The following SOWAHB variants were observed in gnomAD, a reference collection of about 807,000 sequenced individuals.
SOWAHB encodes the protein ankyrin repeat domain-containing protein SOWAHB.
In SOWAHB, 17 loss-of-function variants were observed where a neutral mutation model predicts 18.3. That is an observed-to-expected ratio of 0.93 (90% CI 0.64 to 1.40). The LOEUF (loss-of-function observed/expected upper bound fraction) is 1.40, where lower values mean the gene tolerates loss of function less well. Among genes scored for constraint, SOWAHB ranks in the 40% most tolerant of loss-of-function variants. The pLI is 0.00. For synonymous variants in SOWAHB, 496 were observed against 448.1 expected (o/e 1.11, Z -1.35); for missense variants, 1,126 against 1,033.7 (o/e 1.09, Z -1.22).
Position 76,896,679 on chromosome 4 carries a change from G to A in SOWAHB, c.1171C>T (p.Leu391Phe), listed in dbSNP as rs756527231. 6.2e-7 allele frequency: 1 copy of A among 1,613,974 alleles called. No individual in the cohort carries two copies. Among genetic ancestry groups the A allele is most frequent in the Non-Finnish European group, 8.5e-7 (1 of 1,180,042 alleles). ...TCCACAAAGTCATCCAGATCTTGGA[G>A]GGACAGCTGACAACGAATGCTGCGA... ...VFRSIRCQLSLQDLDDFVDQE... is the reference protein window; with the variant it reads ...VFRSIRCQLSFQDLDDFVDQE... Residue 391 changes from leucine to phenylalanine, a missense_variant, in exon 1 of 1, where the codon CTC becomes TTC. Physicochemically the swap from Leu to Phe is conservative, Grantham distance 22. Transcript: ENST00000334306.
At position 76,897,111 on chromosome 4, in the gene SOWAHB, C is replaced by T; in HGVS notation, c.739G>A (p.Ala247Thr). 1 of 1,538,218 alleles carries T rather than the reference C, an allele frequency of 6.5e-7. No individual in the cohort carries two copies. The highest frequency in any genetic ancestry group is 8.7e-7 in the Non-Finnish European group (1 of 1,148,032). ...ACTGCAGGCACAGGCGCCGGCTCAG[C>T]TAGCGCGCCTTCTTCCCGCTCCCTG... ...ASREREEGALAEPAPVPAVAH... is the reference protein window; with the variant it reads ...ASREREEGALTEPAPVPAVAH... The change falls in exon 1 of 1, where the codon GCT (alanine) becomes ACT (threonine). Residue 247 changes from alanine (A) to threonine (T), a missense_variant. Ala to Thr is a moderately conservative substitution (Grantham distance 58). Coordinates refer to ENST00000334306, the MANE Select transcript of SOWAHB (RefSeq NM_001029870.3). This position sits in a 1 kb window ranked among gnomAD's most constrained non-coding sequence, Gnocchi z 6.4.
Position 76,894,740 on chromosome 4 carries a change from G to A in SOWAHB, c.*728C>T, listed in dbSNP as rs190944867. On this transcript the variant is annotated 3_prime_UTR_variant, in exon 1 of 1. Transcript: ENST00000334306. ...CCTTCGGGTTGATACAAAAAAGCAG[G>A]GCCTGAATGACAGTCATTCCTCTTA... 6.6e-6 allele frequency among the ~76,000 whole-genome samples: 1 copy of A among 152,222 alleles called. No individual in the cohort carries two copies. Among genetic ancestry groups the A allele is most frequent in the African/African-American group, 2.4e-5 (1 of 41,512 alleles).
chr4:76,897,553 T>G lies in SOWAHB; in HGVS notation c.297A>C (p.Ala99=). 1 of 1,564,302 alleles carries G rather than the reference T, an allele frequency of 6.4e-7. No individual in the cohort carries two copies. ...GCGGGGAGCAGGGCGCAGCTCCCCCTGCACTGGGGGCGGCCGCGGGCGGCT... is the reference window on the plus strand; with the variant it reads ...GCGGGGAGCAGGGCGCAGCTCCCCCGGCACTGGGGGCGGCCGCGGGCGGCT... The part of the protein sequence containing the change: ...PREPPAAAPS[A]GGAAPCSPRG... The change falls in exon 1 of 1, where the codon GCA becomes GCC. Residue 99 remains alanine, a synonymous_variant. Transcript: ENST00000334306. The surrounding 1 kb of genome is among the most constrained non-coding windows in gnomAD (Gnocchi z 6.4).
Position 76,896,786 on chromosome 4 carries a change from C to CAGGG in SOWAHB, c.1060_1063dup (p.Cys355SerfsTer15). 1 of 1,613,922 alleles carries CAGGG rather than the reference C, an allele frequency of 6.2e-7. No homozygotes were observed. The highest frequency in any genetic ancestry group is 8.5e-7 in the Non-Finnish European group (1 of 1,180,044). On this transcript the variant is annotated frameshift_variant, in exon 1 of 1. Coordinates refer to ENST00000334306, the MANE Select transcript of SOWAHB (RefSeq NM_001029870.3). LOFTEE classifies it low-confidence loss of function (END_TRUNC). ...AGGAAAGAGAGAGTGCGAGGAAAGA[C>CAGGG]AGGGGTCTGGCGGCTCTGAATTAGG... is the stretch of plus-strand genomic sequence containing the variant.
Position 76,895,267 on chromosome 4 carries a change from C to A in SOWAHB, c.*201G>T. The A allele has an allele frequency of 1.9e-6, 1 of 532,862 alleles. No homozygotes were observed. The allele number at this position is 532,862 out of a possible 1,614,324, so 33.0% of individuals were successfully genotyped here. On this transcript the variant is annotated 3_prime_UTR_variant, in exon 1 of 1. Transcript: ENST00000334306. Reference sequence around the variant, plus strand: ...GCCCCGCCTCTTGTCTAGGTTTCTCCAGTCAAGGAGTTCAGCTTTCAAAAA... The same window carrying A: ...GCCCCGCCTCTTGTCTAGGTTTCTCAAGTCAAGGAGTTCAGCTTTCAAAAA...
At position 76,895,028 on chromosome 4, in the gene SOWAHB, T is replaced by G. The variant is rs1403034942; in HGVS notation, c.*440A>C. The stretch of plus-strand genomic sequence containing the variant: ...GCTTCCCACTGTCAGCCAAGATTTA[T>G]TCTTCAAATGAACAGAAGCCAGAGA... On this transcript the variant is annotated 3_prime_UTR_variant, in exon 1 of 1. Transcript: ENST00000334306. 6.5e-6 allele frequency: 1 copy of G among 154,734 alleles called. No individual in the cohort carries two copies. The highest frequency in any genetic ancestry group is 2.4e-5 in the African/African-American group (1 of 41,572). The allele number at this position is 154,734 out of a possible 1,614,324, so 9.6% of individuals were successfully genotyped here.
In SOWAHB at chr4:76,897,196, C is replaced by G. The variant is rs775588683; in HGVS notation, c.654G>C (p.Ser218=). ...LPGELGALPH[S]ATAEEKPARA... Reference sequence around the variant, plus strand: ...GTGCCGGCTTCTCCTCCGCGGTGGCCGAGTGCGGGAGTGCGCCGAGCTCTC... The same window carrying G: ...GTGCCGGCTTCTCCTCCGCGGTGGCGGAGTGCGGGAGTGCGCCGAGCTCTC... Residue 218 remains serine (S), a synonymous_variant, in exon 1 of 1, where the codon TCG becomes TCC. Coordinates refer to ENST00000334306, the MANE Select transcript of SOWAHB (RefSeq NM_001029870.3). This position sits in a 1 kb window ranked among gnomAD's most constrained non-coding sequence, Gnocchi z 6.4. 4 of 1,580,304 alleles carry G rather than the reference C, an allele frequency of 2.5e-6. No individual in the cohort carries two copies. The highest frequency in any genetic ancestry group is 3.4e-6 in the Non-Finnish European group (4 of 1,171,682).
At position 76,896,748 on chromosome 4, in the gene SOWAHB, C is replaced by G; in HGVS notation, c.1102G>C (p.Glu368Gln). The G allele has an allele frequency of 1.2e-6, 2 of 1,613,884 alleles. No homozygotes were observed. Among genetic ancestry groups the G allele is most frequent in the Non-Finnish European group, 1.7e-6 (2 of 1,180,020 alleles). ...SHSLFPVVPD[E>Q]SWESWAGNPS... ...TTCCCCGCCCAGGATTCCCAGGACT[C>G]ATCCGGAACAACAGGAAAGAGAGAG... Residue 368 changes from glutamate to glutamine, a missense_variant, in exon 1 of 1, where the codon GAG becomes CAG. Coordinates refer to ENST00000334306, the MANE Select transcript of SOWAHB (RefSeq NM_001029870.3).
rs1212100145 is a variant in SOWAHB, at chr4:76,894,867, C to A, written c.*601G>T. The A allele has an allele frequency of 1.3e-5, 2 of 152,208 alleles. No homozygotes were observed. The highest frequency in any genetic ancestry group is 4.8e-5 in the African/African-American group (2 of 41,458). 9.4% of individuals were successfully genotyped at this position (152,208 alleles called of 1,614,324 possible). On this transcript the variant is annotated 3_prime_UTR_variant, in exon 1 of 1. Transcript: ENST00000334306. Reference sequence around the variant, plus strand: ...ATCATTTTACCCATTAACCACCATGCATGGAATTCAAAAGAAGACTTGAGA... The same window carrying A: ...ATCATTTTACCCATTAACCACCATGAATGGAATTCAAAAGAAGACTTGAGA...
At position 76,896,548 on chromosome 4, in the gene SOWAHB, C is replaced by CT. The variant is rs1560661856; in HGVS notation, c.1301dup (p.Leu435AlafsTer41). 8.1e-6 allele frequency: 13 copies of CT among 1,613,350 alleles called. No homozygotes were observed. The highest frequency in any genetic ancestry group is 1.1e-5 in the Non-Finnish European group (13 of 1,179,944). ...AAAGGCCCCCAGCTGGATTCCTGAG[C>CT]TTCCCCCTATCTGGGGTTCCCAAGA... On this transcript the variant is annotated frameshift_variant, in exon 1 of 1. Coordinates refer to ENST00000334306, the MANE Select transcript of SOWAHB (RefSeq NM_001029870.3). LOFTEE classifies it low-confidence loss of function (END_TRUNC).
chr4:76,897,220 T>C lies in SOWAHB; in HGVS notation c.630A>G (p.Gly210=). The change falls in exon 1 of 1, where the codon GGA becomes GGG. Residue 210 remains glycine (G), a synonymous_variant. Coordinates refer to ENST00000334306, the MANE Select transcript of SOWAHB (RefSeq NM_001029870.3). This position sits in a 1 kb window ranked among gnomAD's most constrained non-coding sequence, Gnocchi z 6.4. Reference sequence around the variant, plus strand: ...CCGAGTGCGGGAGTGCGCCGAGCTCTCCCGGCAGTACAGCCAGGTTGTTCT... The same window carrying C: ...CCGAGTGCGGGAGTGCGCCGAGCTCCCCCGGCAGTACAGCCAGGTTGTTCT... ...CLQNNLAVLP[G]ELGALPHSAT... 6.3e-7 allele frequency: 1 copy of C among 1,582,600 alleles called. No individual in the cohort carries two copies.
Position 76,897,385 on chromosome 4 carries a change from C to T in SOWAHB, c.465G>A (p.Arg155=), listed in dbSNP as rs1178955333. 1 of 1,527,616 alleles carries T rather than the reference C, an allele frequency of 6.5e-7. No homozygotes were observed. Among genetic ancestry groups the T allele is most frequent in the Non-Finnish European group, 8.7e-7 (1 of 1,144,050 alleles). The allele number at this position is 1,527,616 out of a possible 1,614,324, so 94.6% of individuals were successfully genotyped here. The change falls in exon 1 of 1, where the codon AGG becomes AGA. Residue 155 remains arginine, a synonymous_variant. Coordinates refer to ENST00000334306, the MANE Select transcript of SOWAHB (RefSeq NM_001029870.3). The surrounding 1 kb of genome is among the most constrained non-coding windows in gnomAD (Gnocchi z 6.4). ...TCGATCCGCCGCCCTTCCCGGGCGC[C>T]CTACGGGAGTCGCTGCCCGGGAGTC... ...CNGLPGSDSR[R]APGKGGGSKG...
rs747684887 is a variant in SOWAHB, at chr4:76,896,598, C to T, written c.1252G>A (p.Ala418Thr). 28 of 1,613,756 alleles carry T rather than the reference C, an allele frequency of 1.7e-5. No homozygotes were observed. Among genetic ancestry groups the T allele is most frequent in the Non-Finnish European group, 2.3e-5 (27 of 1,180,044 alleles). Reference sequence around the variant, plus strand: ...ACAACCTGCAGCCCCTCTTCAGAAGCCCCCGGGGAGTCTTTGGGCCCACTG... The same window carrying T: ...ACAACCTGCAGCCCCTCTTCAGAAGTCCCCGGGGAGTCTTTGGGCCCACTG... Reference protein sequence around the residue: ...SSSGPKDSPGASEEGLQVVLG... With the variant: ...SSSGPKDSPGTSEEGLQVVLG... Residue 418 changes from alanine to threonine, a missense_variant, in exon 1 of 1, where the codon GCT becomes ACT. By Grantham distance (58) the Ala-to-Thr change is moderately conservative (BLOSUM62 0). Transcript: ENST00000334306.
chr4:76,897,951 G>A lies in SOWAHB; in HGVS notation c.-102C>T. The A allele has an allele frequency of 2.4e-6, 3 of 1,274,094 alleles. No individual in the cohort carries two copies. The highest frequency in any genetic ancestry group is 1.5e-5 in the African/African-American group (1 of 66,414). The allele number at this position is 1,274,094 out of a possible 1,614,324, so 78.9% of individuals were successfully genotyped here. A position where few individuals can be genotyped will look rare whatever the true frequency, so the allele number is the denominator to read the frequency against. ...CCGGGCGAGTGTCACCTGCGCCCGG[G>A]GCGGCACTAGCCGCCCCCATCAGCC... On this transcript the variant is annotated 5_prime_UTR_variant, in exon 1 of 1. Transcript: ENST00000334306. The surrounding 1 kb of genome is among the most constrained non-coding windows in gnomAD (Gnocchi z 6.4).
Position 76,896,564 on chromosome 4 carries a change from G to A in SOWAHB, c.1286C>T (p.Thr429Ile). The A allele has an allele frequency of 6.2e-7, 1 of 1,613,516 alleles. No individual in the cohort carries two copies. The highest frequency in any genetic ancestry group is 8.5e-7 in the Non-Finnish European group (1 of 1,180,014). ...ATTCCTGAGCTTCCCCCTATCTGGGGTTCCCAAGACAACCTGCAGCCCCTC... is the reference window on the plus strand; with the variant it reads ...ATTCCTGAGCTTCCCCCTATCTGGGATTCCCAAGACAACCTGCAGCCCCTC... ...SEEGLQVVLG[T>I]PDRGKLRNPA... is the part of the protein sequence containing the mutation. The change falls in exon 1 of 1, where the codon ACC becomes ATC. Residue 429 changes from threonine (T) to isoleucine (I), a missense_variant. Thr to Ile is a moderately conservative substitution (Grantham distance 89). Coordinates refer to ENST00000334306, the MANE Select transcript of SOWAHB (RefSeq NM_001029870.3).
Position 76,896,115 on chromosome 4 carries a change from C to A in SOWAHB, c.1735G>T (p.Ala579Ser). ...TTGTGCTCAGAAGTTCTGTGGGGGG[C>A]CAAGGCTGCAGACCCCTCCCCACTG... is the stretch of plus-strand genomic sequence containing the variant. ...VPSGEGSAAL[A>S]PHRTSEHKSS... The change falls in exon 1 of 1, where the codon GCC becomes TCC. Residue 579 changes from alanine (A) to serine (S), a missense_variant. Ala to Ser is a moderately conservative substitution (Grantham distance 99). Coordinates refer to ENST00000334306, the MANE Select transcript of SOWAHB (RefSeq NM_001029870.3). 6.3e-7 allele frequency: 1 copy of A among 1,576,824 alleles called. No individual in the cohort carries two copies.
chr4:76,897,561 G>A lies in SOWAHB; in HGVS notation c.289C>T (p.Pro97Ser), dbSNP rs766546688. ...CAGGGCGCAGCTCCCCCTGCACTGG[G>A]GGCGGCCGCGGGCGGCTCGCGGGGT... Reference protein sequence around the residue: ...QRPREPPAAAPSAGGAAPCSP... With the variant: ...QRPREPPAAASSAGGAAPCSP... The change falls in exon 1 of 1, where the codon CCC (proline) becomes TCC (serine). Residue 97 changes from proline (P) to serine (S), a missense_variant. By Grantham distance (74) the Pro-to-Ser change is moderately conservative. Transcript: ENST00000334306. The surrounding 1 kb of genome is among the most constrained non-coding windows in gnomAD (Gnocchi z 6.4). 4 of 1,582,448 alleles carry A rather than the reference G, an allele frequency of 2.5e-6. No individual in the cohort carries two copies. In the Admixed American group the frequency reaches 5.2e-5, roughly 21 times the overall value.
Position 76,897,267 on chromosome 4 carries a change from G to T in SOWAHB, c.583C>A (p.Arg195Ser). ...TTCTGGAGGCATTCCCAGCAGCAGC[G>T]GCCCTGCGTCTTCGCCGCCGCGCAG... ...ASCAAAKTQG[R>S]CCWECLQNNL... The change falls in exon 1 of 1, where the codon CGC becomes AGC. Residue 195 changes from arginine to serine, a missense_variant. Physicochemically the swap from Arg to Ser is moderately radical, Grantham distance 110. Coordinates refer to ENST00000334306, the MANE Select transcript of SOWAHB (RefSeq NM_001029870.3). The surrounding 1 kb of genome is among the most constrained non-coding windows in gnomAD (Gnocchi z 6.4). 5 of 1,559,890 alleles carry T rather than the reference G, an allele frequency of 3.2e-6. No homozygotes were observed. The Middle Eastern group carries it at 5.0e-4, about 156-fold the overall frequency.
chr4:76,895,483 T>C lies in SOWAHB; in HGVS notation c.2367A>G (p.Glu789=). 6.2e-7 allele frequency: 1 copy of C among 1,604,716 alleles called. No homozygotes were observed. Among genetic ancestry groups the C allele is most frequent in the Non-Finnish European group, 8.5e-7 (1 of 1,175,368 alleles). ...GAGACCCACCTCAGTCACTATACTC[T>C]TCTCTTTCCCTTGGACTGTGGAATT... ...YEKFHSPRER[E]EYSD The change falls in exon 1 of 1, where the codon GAA becomes GAG. Residue 789 remains glutamate (E), a synonymous_variant. Coordinates refer to ENST00000334306, the MANE Select transcript of SOWAHB (RefSeq NM_001029870.3).
Sources: gnomAD v4.1 joint callset for allele counts (sites outside exome capture counted in the v4.1 genomes callset) on GRCh38, gnomAD v4.1.1 for gene constraint, Gnocchi (gnomAD v3.1) non-coding constraint, MANE v1.5 for transcripts, NCBI Gene and HGNC (gene_info 2026-07-23, HGNC 2026-07-21) for gene names.